SSH2: variants seen among roughly 807,000 people sequenced by gnomAD.
The protein encoded by SSH2 is protein phosphatase Slingshot homolog 2.
Under a neutral mutation model 135.2 loss-of-function variants are expected in SSH2, and 37 were observed. That is an observed-to-expected ratio of 0.27 (90% CI 0.21 to 0.36). The LOEUF is 0.36. Among genes scored for constraint, SSH2 ranks in the 10% least tolerant of loss-of-function variants. SSH2 has a pLI of 1.00. For synonymous variants in SSH2, 628 were observed against 646.2 expected, an observed-to-expected ratio of 0.97 and a Z score of 0.43; for missense variants, 1,408 against 1,765.3, an observed-to-expected ratio of 0.80 and a Z score of 3.63.
chr17:29,929,299 A>C (rs2151497175), intron 1 of SSH2: 1 of 154,364 alleles, frequency 6.5e-6, no homozygotes, highest in South Asian at 1.9e-4. Context: ...ACTAAGCAGC[A>C]CCAGATGCTT....
chr17:29,661,924 C>G (rs1404080144), intron 11 of SSH2, among the ~76,000 whole-genome samples: 1 of 152,094 alleles, frequency 6.6e-6, no homozygotes, highest in African/African-American at 2.4e-5. Context: ...GCTTCAGGTT[C>G]AGTTTGAAAG....
At position 29,638,515 on chromosome 17, in the gene SSH2, C is replaced by G. The variant is rs2036011360; in HGVS notation, c.1428-1713G>C. ...GCTTTTACTTTCTATATTTTACACA[C>G]ACACACACACACACACACACACACA... On this transcript the variant is annotated intron_variant, in intron 14 of 15. Coordinates refer to ENST00000540801, the MANE Select transcript of SSH2 (RefSeq NM_001282129.2). 5.6e-5 allele frequency among the ~76,000 whole-genome samples: 3 copies of G among 53,198 alleles called. No homozygotes were observed. The South Asian group carries it at 1.4e-3, about 26-fold the overall frequency. 34.9% of individuals were successfully genotyped at this position (53,198 alleles called of 152,430 possible).
intron 11 of SSH2, among the ~76,000 whole-genome samples, chr17:29,659,072 C>T (rs1373669236): frequency 6.6e-6 from 1 of 152,080 alleles, no homozygotes; most frequent in Admixed American, 6.5e-5. Flanking sequence ...TAATTGCTTT[C>T]ATTTTACATA....
intron 5 of SSH2, among the ~76,000 whole-genome samples, chr17:29,694,990 A>C (rs1458752239): frequency 1.3e-5 from 2 of 152,180 alleles, no homozygotes; most frequent in Admixed American, 1.3e-4. Flanking sequence ...AGACAGGGTA[A>C]AGTAACTTGT....
chr17:29,901,569 C>T (rs2066554754), intron 1 of SSH2, among the ~76,000 whole-genome samples: 3 of 152,206 alleles, frequency 2.0e-5, no homozygotes, highest in Admixed American at 1.3e-4. Context: ...CATCCCATTT[C>T]ACAGACGTTC....
At chr17:29,916,858 T>A (rs1220403006) in intron 1 of SSH2, among the ~76,000 whole-genome samples, 1 of 152,210 alleles carries the variant, frequency 6.6e-6, no homozygotes, top group Non-Finnish European at 1.5e-5. Flanking sequence ...GTGCTAAATA[T>A]TGTAATTATG....
intron 3 of SSH2, among the ~76,000 whole-genome samples, chr17:29,756,918 G>T (rs189065080): frequency 6.6e-6 from 1 of 152,268 alleles, no homozygotes; most frequent in African/African-American, 2.4e-5. Context: ...GCCTCTCAAA[G>T]TGCTGGGATT....
chr17:29,884,118 T>G (rs946846257), intron 1 of SSH2, among the ~76,000 whole-genome samples: 5 of 152,088 alleles, frequency 3.3e-5, no homozygotes, highest in African/African-American at 9.7e-5. Context: ...CTGGCCTATA[T>G]TCACAATTTG....
rs572866712 is a variant in SSH2 at position 29,676,466 on chromosome 17, T to C, written c.614+354A>G. 140 of 177,174 alleles carry C rather than the reference T, an allele frequency of 7.9e-4. No homozygotes were observed. The Middle Eastern group carries it at 0.013, about 17-fold the overall frequency. The allele number at this position is 177,174 out of a possible 1,614,324, so 11.0% of individuals were successfully genotyped here. On this transcript the variant is annotated intron_variant, in intron 8 of 15. Coordinates refer to ENST00000540801, the MANE Select transcript of SSH2 (RefSeq NM_001282129.2). ...AAAAAAAAGAAAAAAAAGAAATAGC[T>C]AATGCATAGCAATGTGATGTTCTAG...
intron 3 of SSH2, among the ~76,000 whole-genome samples, chr17:29,712,662 G>C (rs1209603737): frequency 6.6e-6 from 1 of 152,116 alleles, no homozygotes; most frequent in Non-Finnish European, 1.5e-5. Flanking sequence ...AAATTAGCCG[G>C]GCATGGTGGC....
At chr17:29,824,557 T>A (rs1419998248) in intron 2 of SSH2, among the ~76,000 whole-genome samples, 1 of 152,192 alleles carries the variant, frequency 6.6e-6, no homozygotes, top group Non-Finnish European at 1.5e-5. Flanking sequence ...GATGGCACCC[T>A]CTGACTGGCT....
chr17:29,827,784 G>GAAA (rs775432141), intron 2 of SSH2, among the ~76,000 whole-genome samples: 61 of 135,664 alleles, frequency 4.5e-4, no homozygotes, highest in African/African-American at 1.4e-3. Context: ...AATGAGTACA[G>GAAA]AAAAAAAAAA....
chr17:29,844,236 A>G (rs913777944), intron 2 of SSH2, among the ~76,000 whole-genome samples: 5 of 152,218 alleles, frequency 3.3e-5, no homozygotes, highest in Non-Finnish European at 5.9e-5. Flanking sequence ...ACTATTCTAT[A>G]TATGACCTTC....
chr17:29,716,208 A>G, intron 3 of SSH2: 1 of 272,142 alleles, frequency 3.7e-6, no homozygotes, highest in South Asian at 4.1e-5. Context: ...TACCCTTAAA[A>G]GAAAACAACC....
chr17:29,775,982 G>A (rs1180695328), intron 3 of SSH2: 4 of 151,908 alleles, frequency 2.6e-5, no homozygotes, highest in African/African-American at 7.3e-5. Flanking sequence ...AGCTTGGCAT[G>A]GTTCTTGCCA....
At position 29,793,955 on chromosome 17, in the gene SSH2, GAA is replaced by G; in HGVS notation, c.145-20_145-19del. The G allele has an allele frequency of 6.6e-7, 1 of 1,521,676 alleles. No homozygotes were observed. Among genetic ancestry groups the G allele is most frequent in the Non-Finnish European group, 8.9e-7 (1 of 1,120,004 alleles). The allele number at this position is 1,521,676 out of a possible 1,614,324, so 94.3% of individuals were successfully genotyped here. A position where few individuals can be genotyped will look rare whatever the true frequency, so the allele number is the denominator to read the frequency against. ...TCTGCCTCCTGTATAGACAGAAAAT[GAA>G]AAAAAAAATTAAAACCTGAGGTTTC... On this transcript the variant is annotated intron_variant, in intron 2 of 15. Transcript: ENST00000540801.
Position 29,848,839 on chromosome 17 carries a change from A to ACAG in SSH2, c.144+9_144+10insCTG. On this transcript the variant is annotated intron_variant, in intron 2 of 15. Coordinates refer to ENST00000540801, the MANE Select transcript of SSH2 (RefSeq NM_001282129.2). The stretch of plus-strand genomic sequence containing the variant: ...CACCAAAGTCTGTATAAAAACATAT[A>ACAG]CCTACGTACATTGGAATCAGTAAAG... The ACAG allele has an allele frequency of 6.6e-7, 1 of 1,506,066 alleles. No homozygotes were observed. Among genetic ancestry groups the ACAG allele is most frequent in the Non-Finnish European group, 8.9e-7 (1 of 1,122,110 alleles). The allele number at this position is 1,506,066 out of a possible 1,614,324, so 93.3% of individuals were successfully genotyped here. A position where few individuals can be genotyped will look rare whatever the true frequency, so the allele number is the denominator to read the frequency against.
At chr17:29,645,042 G>C (rs990670665) in intron 14 of SSH2, 1 of 152,288 alleles carries the variant, frequency 6.6e-6, no homozygotes, top group East Asian at 1.9e-4. Context: ...GCAGGAGGCA[G>C]TAGTGATGTC....
At chr17:29,681,027 A>C (rs181123666) in intron 6 of SSH2, among the ~76,000 whole-genome samples, 29 of 152,154 alleles carry the variant, frequency 1.9e-4, no homozygotes, top group East Asian at 9.7e-4. Flanking sequence ...GCTTGTATTC[A>C]GGCCAGAGTG....
Sources: gnomAD v4.1 joint callset for allele counts (sites outside exome capture counted in the v4.1 genomes callset) on GRCh38, gnomAD v4.1.1 for gene constraint, MANE v1.5 for transcripts, NCBI Gene and HGNC (gene_info 2026-07-23, HGNC 2026-07-21) for gene names.